RGP1: variants seen among roughly 807,000 people sequenced by gnomAD.
RGP1 encodes the protein RGP1 partner of RAB6A GEF complex.
Under a neutral mutation model 44.5 loss-of-function variants are expected in RGP1, and 28 were observed. The ratio of observed to expected loss-of-function variants is 0.63; its 90% CI spans 0.47 to 0.86. The LOEUF (loss-of-function observed/expected upper bound fraction) is 0.86. Ranked by LOEUF, RGP1 falls within the 40% of genes least tolerant of loss-of-function variation. The pLI is 0.00. For synonymous variants in RGP1, 212 were observed against 196.7 expected, an observed-to-expected ratio of 1.08 and a Z score of -0.65; for missense variants, 417 against 490.7, an observed-to-expected ratio of 0.85 and a Z score of 1.42.
the RGP1 span, among the ~76,000 whole-genome samples, chr9:35,771,894 TA>T: frequency 6.6e-6 from 1 of 152,374 alleles, no homozygotes; most frequent in East Asian, 1.9e-4. Flanking sequence ...TATAACACCA[TA>T]AACCTGAGAA....
chr9:35,753,131 A>G lies in RGP1; in HGVS notation c.*257A>G. On this transcript the variant is annotated 3_prime_UTR_variant, in exon 9 of 9. Transcript: ENST00000378078. The surrounding 1 kb of genome is among the most constrained non-coding windows in gnomAD (Gnocchi z 4.2). Reference sequence around the variant, plus strand: ...GGAGTGGGGAGCAGGAGCCCCAGGAACAGGGGTGTTGGCTGAGCCCCATTC... The same window carrying G: ...GGAGTGGGGAGCAGGAGCCCCAGGAGCAGGGGTGTTGGCTGAGCCCCATTC... The G allele has an allele frequency of 6.2e-7, 1 of 1,614,198 alleles. No homozygotes were observed. The highest frequency in any genetic ancestry group is 8.5e-7 in the Non-Finnish European group (1 of 1,180,024).
At chr9:35,750,809 C>G (rs747862216) in intron 4 of RGP1, 31 bp from the exon 5 acceptor site, 3 of 1,613,904 alleles carry the variant, frequency 1.9e-6, no homozygotes, top group Non-Finnish European at 1.7e-6. Flanking sequence ...TCTGGTGCCT[C>G]TGGCTGTCCT....
chr9:35,764,159 T>G, the RGP1 span, among the ~76,000 whole-genome samples: 1 of 152,084 alleles, frequency 6.6e-6, no homozygotes. Flanking sequence ...AAAAAAGAAG[T>G]GAAGTGTTTT....
At chr9:35,786,968 C>T in the RGP1 span, among the ~76,000 whole-genome samples, 63 of 150,956 alleles carry the variant, frequency 4.2e-4, no homozygotes, top group African/African-American at 1.3e-3. Flanking sequence ...GGCGTGGTGG[C>T]GGGCGCCTGT....
chr9:35,751,443 A>T (rs960347569), intron 6 of RGP1, 31 bp downstream of exon 6: 17 of 1,612,740 alleles, frequency 1.1e-5, no homozygotes, highest in Non-Finnish European at 1.4e-5. Flanking sequence ...GTCCTACCCC[A>T]TCCTTCCCCT....
At chr9:35,767,307 C>T in the RGP1 span, among the ~76,000 whole-genome samples, 4 of 98,546 alleles carry the variant, frequency 4.1e-5, 1 homozygote. Context: ...TTTTTTTTGC[C>T]GAAAGAGTTC....
the RGP1 span, among the ~76,000 whole-genome samples, chr9:35,770,922 T>C: frequency 6.6e-6 from 1 of 152,226 alleles, no homozygotes. Context: ...AAAGAACAGG[T>C]ACTCACACAG....
At chr9:35,778,350 A>G in the RGP1 span, among the ~76,000 whole-genome samples, 3 of 152,160 alleles carry the variant, frequency 2.0e-5, no homozygotes, top group Non-Finnish European at 2.9e-5. Flanking sequence ...TGTCTCTTTC[A>G]TCTTGCCCTT....
intron 8 of RGP1, among the ~76,000 whole-genome samples, chr9:35,752,355 C>T (rs1827280542): frequency 6.6e-6 from 1 of 152,192 alleles, no homozygotes; most frequent in East Asian, 1.9e-4. Flanking sequence ...AGAACTCCTT[C>T]CCCACACCTA....
the RGP1 span, chr9:35,790,042 T>C: frequency 6.5e-6 from 1 of 153,716 alleles, no homozygotes; most frequent in Non-Finnish European, 1.5e-5. Context: ...CATAAAACAA[T>C]GTGTAGTTGC....
chr9:35,786,336 C>T, the RGP1 span, among the ~76,000 whole-genome samples: 2 of 152,182 alleles, frequency 1.3e-5, no homozygotes, highest in African/African-American at 4.8e-5. Context: ...AAGATTATTT[C>T]AGGGAATATT....
chr9:35,782,654 C>T, the RGP1 span, among the ~76,000 whole-genome samples: 3 of 152,188 alleles, frequency 2.0e-5, no homozygotes, highest in East Asian at 5.8e-4. Flanking sequence ...CCATGTTGGT[C>T]AGGCTGGTCT....
At position 35,752,224 on chromosome 9, in the gene RGP1, A is replaced by G. The variant is rs1827278170; in HGVS notation, c.952+79A>G. On this transcript the variant is annotated intron_variant, in intron 8 of 8. Transcript: ENST00000378078. ...CTAAGGGAGGGTGTAATGGATCCTG[A>G]TTCCTTATACACACTCCCAGACATA... The G allele has an allele frequency of 3.7e-6, 5 of 1,341,000 alleles. No individual in the cohort carries two copies. In the South Asian group the frequency reaches 7.6e-5, roughly 20 times the overall value. 83.1% of individuals were successfully genotyped at this position (1,341,000 alleles called of 1,614,324 possible).
At chr9:35,760,376 TGCTTAGCATCTGCTCAG>T (rs981445789), downstream of RGP1, among the ~76,000 whole-genome samples, 4 of 152,194 alleles carry the variant, frequency 2.6e-5, no homozygotes, top group African/African-American at 9.6e-5. Flanking sequence ...CATCGTAGGA[TGCTTAGCATCTGCTCAG>T]TAGATGCCAA....
chr9:35,773,298 G>A, the RGP1 span, among the ~76,000 whole-genome samples: 1 of 152,168 alleles, frequency 6.6e-6, no homozygotes, highest in Non-Finnish European at 1.5e-5. Context: ...GGCTGAGGCA[G>A]GAGGATTGCT....
Position 35,749,823 on chromosome 9 carries a change from T to C in RGP1, c.68T>C (p.Val23Ala). ...VFLAGEALECVVTVTNPLPPT... is the reference protein window; with the variant it reads ...VFLAGEALECAVTVTNPLPPT... Reference sequence around the variant, plus strand: ...TTGGCTGGGGAGGCGCTGGAGTGTGTAGTGACCGTCACCAACCCCCTTCCG... The same window carrying C: ...TTGGCTGGGGAGGCGCTGGAGTGTGCAGTGACCGTCACCAACCCCCTTCCG... The change falls in exon 2 of 9, where the codon GTA becomes GCA. Residue 23 changes from valine (V) to alanine (A), a missense_variant. Val to Ala is a moderately conservative substitution (Grantham distance 64). Coordinates refer to ENST00000378078, the MANE Select transcript of RGP1 (RefSeq NM_001080496.3). This position sits in a 1 kb window ranked among gnomAD's most constrained non-coding sequence, Gnocchi z 4.4. 6.2e-7 allele frequency: 1 copy of C among 1,613,858 alleles called. No individual in the cohort carries two copies. The highest frequency in any genetic ancestry group is 1.1e-5 in the South Asian group (1 of 91,070).
At position 35,753,974 on chromosome 9, in the gene RGP1, A is replaced by T. The variant is rs1265414744; in HGVS notation, c.*1100A>T. On this transcript the variant is annotated 3_prime_UTR_variant, in exon 9 of 9. Coordinates refer to ENST00000378078, the MANE Select transcript of RGP1 (RefSeq NM_001080496.3). This position sits in a 1 kb window ranked among gnomAD's most constrained non-coding sequence, Gnocchi z 4.2. ...CCTGTGCCCTCTCTGCTGCTCCTCC[A>T]TTCCTAACGCTTCACCCCACTTTAC... 11 of 1,603,466 alleles carry T rather than the reference A, an allele frequency of 6.9e-6. No homozygotes were observed. The highest frequency in any genetic ancestry group is 9.4e-6 in the Non-Finnish European group (11 of 1,173,120).
downstream of RGP1, among the ~76,000 whole-genome samples, chr9:35,761,169 A>G (rs16932599): frequency 0.016 from 2,489 of 152,338 alleles, 58 homozygotes; most frequent in African/African-American, 0.057. Context: ...CATGAGAACT[A>G]CATTTCCCTG....
the RGP1 span, among the ~76,000 whole-genome samples, chr9:35,785,833 G>C: frequency 3.9e-5 from 6 of 152,064 alleles, no homozygotes; most frequent in Non-Finnish European, 8.8e-5. Flanking sequence ...TGTATATCCA[G>C]TCGGCCACCA....
Sources: gnomAD v4.1 joint callset for allele counts (sites outside exome capture counted in the v4.1 genomes callset) on GRCh38, gnomAD v4.1.1 for gene constraint, Gnocchi (gnomAD v3.1) non-coding constraint, MANE v1.5 for transcripts, NCBI Gene and HGNC (gene_info 2026-07-23, HGNC 2026-07-21) for gene names.